The following NR2C2 variants were observed in gnomAD, a reference collection of about 807,000 sequenced individuals.
NR2C2 encodes the protein nuclear receptor subfamily 2 group C member 2, also known as Nuclear hormone receptor TR4.
Under a neutral mutation model 62.9 loss-of-function variants are expected in NR2C2, and 6 were observed. That is an observed-to-expected ratio of 0.10 (90% CI 0.05 to 0.19). NR2C2 has a LOEUF of 0.19. Among genes scored for constraint, NR2C2 ranks in the 10% least tolerant of loss-of-function variants. The pLI, the probability that NR2C2 is intolerant of heterozygous loss-of-function variation, is 1.00. For synonymous variants in NR2C2, 272 were observed against 273.8 expected (o/e 0.99, Z 0.07); for missense variants, 479 against 762.7 (o/e 0.63, Z 4.38).
Position 15,049,144 on chromosome 3 carries a change from A to ATAGAG in NR2C2, c.*6139_*6143dup, listed in dbSNP as rs1272993587. 6.6e-6 allele frequency: 1 copy of ATAGAG among 152,650 alleles called. No homozygotes were observed. Among genetic ancestry groups the ATAGAG allele is most frequent in the Non-Finnish European group, 1.5e-5 (1 of 68,048 alleles). 9.5% of individuals were successfully genotyped at this position (152,650 alleles called of 1,614,324 possible). On this transcript the variant is annotated 3_prime_UTR_variant, in exon 14 of 14. Coordinates refer to ENST00000425241, the MANE Select transcript of NR2C2 (RefSeq NM_001291694.2). ...AGAATTTGCATTGTTGTGTTTGTAT[A>ATAGAG]TAGAGTATTGCAGTGCATGAATTAG...
At chr3:15,029,102 C>CT (rs1429366384) in intron 8 of NR2C2, among the ~76,000 whole-genome samples, 3 of 132,416 alleles carry the variant, frequency 2.3e-5, no homozygotes, top group Non-Finnish European at 4.5e-5. Context: ...CTATATTTTT[C>CT]TTTTTTCTTT....
At chr3:15,028,536 C>A in intron 7 of NR2C2, 50 bp from the exon 8 acceptor site, 1 of 1,578,128 alleles carries the variant, frequency 6.3e-7, no homozygotes, top group South Asian at 1.1e-5. Flanking sequence ...GCCTGAGAGT[C>A]ATTTGCGTAT....
chr3:15,022,398 C>CTTTTTTTTTTTTTTTTTTTTTTTTTTTT (rs71038450), intron 5 of NR2C2, among the ~76,000 whole-genome samples: 1 of 89,142 alleles, frequency 1.1e-5, no homozygotes, highest in Non-Finnish European at 2.2e-5. Flanking sequence ...CTTTTTCTTT[C>CTTTTTTTTTTTTTTTTTTTTTTTTTTTT]TTTTTTTTTT....
chr3:14,986,657 T>TA (rs1330488194), intron 1 of NR2C2, among the ~76,000 whole-genome samples: 1 of 152,234 alleles, frequency 6.6e-6, no homozygotes, highest in Non-Finnish European at 1.5e-5. Context: ...TCTGATACTT[T>TA]AAAAAAGACC....
intron 1 of NR2C2, among the ~76,000 whole-genome samples, chr3:14,955,408 T>A (rs1342887408): frequency 6.6e-6 from 1 of 152,172 alleles, no homozygotes; most frequent in Non-Finnish European, 1.5e-5. Context: ...CAATTTTTGT[T>A]CCCTTAGATA....
At chr3:15,038,236 G>C in intron 12 of NR2C2, 99 bp downstream of exon 12, 1 of 1,291,174 alleles carries the variant, frequency 7.7e-7, no homozygotes, top group Non-Finnish European at 1.1e-6. Context: ...AAAGAGCCCT[G>C]CAGATTGTAT....
chr3:14,951,121 C>G (rs1414781905), intron 1 of NR2C2, among the ~76,000 whole-genome samples: 1 of 152,118 alleles, frequency 6.6e-6, no homozygotes, highest in Non-Finnish European at 1.5e-5. Context: ...GCTGAAGAAA[C>G]GAAGCACTAA....
At chr3:15,023,855 AG>A (rs2041744843) in intron 6 of NR2C2, among the ~76,000 whole-genome samples, 1 of 152,236 alleles carries the variant, frequency 6.6e-6, no homozygotes, top group Admixed American at 6.5e-5. Flanking sequence ...GAATGGCCAC[AG>A]TCTGCAGTCA....
At chr3:14,986,531 G>A (rs754377656) in intron 1 of NR2C2, among the ~76,000 whole-genome samples, 4 of 152,192 alleles carry the variant, frequency 2.6e-5, no homozygotes, top group Non-Finnish European at 5.9e-5. Flanking sequence ...CATACCTTAT[G>A]TGGAAGTGTT....
chr3:15,003,619 A>G (rs929527669), intron 1 of NR2C2, among the ~76,000 whole-genome samples: 19 of 152,230 alleles, frequency 1.2e-4, no homozygotes, highest in African/African-American at 4.6e-4. Flanking sequence ...AAGTGTGCAG[A>G]GCACAACTGC....
chr3:14,979,228 A>G (rs1361212155), intron 1 of NR2C2, among the ~76,000 whole-genome samples: 1 of 152,176 alleles, frequency 6.6e-6, no homozygotes, highest in Non-Finnish European at 1.5e-5. Context: ...GATAGAGATA[A>G]ATGCGTGAGT....
intron 1 of NR2C2, among the ~76,000 whole-genome samples, chr3:14,988,218 C>T (rs1376949468): frequency 6.6e-6 from 1 of 152,218 alleles, no homozygotes; most frequent in Non-Finnish European, 1.5e-5. Flanking sequence ...ACAGCCAGTA[C>T]CACAAAGCTT....
chr3:15,022,212 CTTACA>C (rs1328269079), intron 5 of NR2C2, among the ~76,000 whole-genome samples: 1 of 152,188 alleles, frequency 6.6e-6, no homozygotes, highest in Non-Finnish European at 1.5e-5. Flanking sequence ...CATATCTGCT[CTTACA>C]TTAGACTGCT....
intron 6 of NR2C2, 21 bp from the exon 7 acceptor site, chr3:15,024,094 G>C (rs367955638): frequency 1.3e-6 from 2 of 1,566,220 alleles, no homozygotes; most frequent in South Asian, 2.2e-5. Context: ...GCTACTCTGA[G>C]TTTCTTTATG....
chr3:14,980,157 TG>T (rs2040323975), intron 1 of NR2C2, among the ~76,000 whole-genome samples: 2 of 151,808 alleles, frequency 1.3e-5, no homozygotes, highest in Non-Finnish European at 2.9e-5. Context: ...GCATTGGGGT[TG>T]GGGGTGTTAG....
At chr3:15,013,265 GTTA>G (rs968351184) in intron 2 of NR2C2, among the ~76,000 whole-genome samples, 4 of 152,178 alleles carry the variant, frequency 2.6e-5, no homozygotes. Flanking sequence ...GCCTACATTT[GTTA>G]TTAGGTGAGG....
At chr3:14,968,958 G>A (rs1323358521) in intron 1 of NR2C2, among the ~76,000 whole-genome samples, 1 of 145,614 alleles carries the variant, frequency 6.9e-6, no homozygotes, top group Non-Finnish European at 1.5e-5. Flanking sequence ...ACACAGGAAG[G>A]GGGAACATCA....
chr3:15,012,622 T>G (rs1400337105), intron 2 of NR2C2, among the ~76,000 whole-genome samples: 1 of 152,162 alleles, frequency 6.6e-6, no homozygotes, highest in Non-Finnish European at 1.5e-5. Flanking sequence ...ATAGCATGTT[T>G]CCCCTCACCC....
chr3:14,997,727 A>G (rs1280428999), intron 1 of NR2C2, among the ~76,000 whole-genome samples: 1 of 152,230 alleles, frequency 6.6e-6, no homozygotes, highest in Non-Finnish European at 1.5e-5. Context: ...ATGTATGCTT[A>G]TGAAAGAAAA....
Sources: allele counts gnomAD v4.1 joint callset (sites outside exome capture counted in the v4.1 genomes callset), GRCh38; gene constraint gnomAD v4.1.1; transcripts MANE v1.5; gene names NCBI Gene and HGNC (gene_info 2026-07-23, HGNC 2026-07-21).